The following RNF144A variants were observed in gnomAD, a reference collection of about 807,000 sequenced individuals.
RNF144A encodes ring finger protein 144A, also known as E3 ubiquitin-protein ligase RNF144A.
A neutral mutation model predicts 38.7 loss-of-function variants in RNF144A; 11 were observed. That is an observed-to-expected ratio of 0.28 (90% CI 0.18 to 0.47). The LOEUF is 0.47. RNF144A is among the 20% of genes least tolerant of loss of function. The pLI is 0.99. For missense variants in RNF144A, 316 were observed against 377.2 expected, an observed-to-expected ratio of 0.84 and a Z score of 1.34; for synonymous variants, 149 against 143.9, an observed-to-expected ratio of 1.04 and a Z score of -0.25.
At chr2:6,991,166 A>G (rs888540133) in intron 2 of RNF144A, among the ~76,000 whole-genome samples, 1 of 152,214 alleles carries the variant, frequency 6.6e-6, no homozygotes, top group African/African-American at 2.4e-5. Flanking sequence ...TCATGTGAAC[A>G]TAAGTCTTCA....
chr2:7,041,392 T>A lies in RNF144A; in HGVS notation c.*1632T>A. 1.0e-6 allele frequency: 1 copy of A among 985,894 alleles called. No individual in the cohort carries two copies. The highest frequency in any genetic ancestry group is 1.2e-6 in the Non-Finnish European group (1 of 829,932). The allele number at this position is 985,894 out of a possible 1,614,324, so 61.1% of individuals were successfully genotyped here. ...CCTCACTCTTCACCTGTCATGTTGATTTTCCTTATGAACCCGAAGCCATTT... is the reference window on the plus strand; with the variant it reads ...CCTCACTCTTCACCTGTCATGTTGAATTTCCTTATGAACCCGAAGCCATTT... On this transcript the variant is annotated 3_prime_UTR_variant, in exon 9 of 9. Transcript: ENST00000320892.
At chr2:7,035,708 A>G (rs2103455433) in intron 8 of RNF144A, among the ~76,000 whole-genome samples, 1 of 152,266 alleles carries the variant, frequency 6.6e-6, no homozygotes, top group East Asian at 1.9e-4. Context: ...TTCCTCCTTT[A>G]GATGTGAAGC....
chr2:6,994,187 C>CA (rs1259023420), intron 2 of RNF144A, among the ~76,000 whole-genome samples: 3 of 152,098 alleles, frequency 2.0e-5, no homozygotes, highest in Non-Finnish European at 4.4e-5. Flanking sequence ...TCAACATTGT[C>CA]AAAAAACAAG....
chr2:6,982,721 T>C (rs1267157615), intron 2 of RNF144A, among the ~76,000 whole-genome samples: 1 of 152,176 alleles, frequency 6.6e-6, no homozygotes, highest in Non-Finnish European at 1.5e-5. Flanking sequence ...AAGTGGCAAC[T>C]TCATGGATCC....
At chr2:6,999,008 G>A (rs1314054626) in intron 3 of RNF144A, among the ~76,000 whole-genome samples, 1 of 152,132 alleles carries the variant, frequency 6.6e-6, no homozygotes, top group Non-Finnish European at 1.5e-5. Context: ...TTTTGCTGAG[G>A]CCTTCATTTT....
intron 5 of RNF144A, among the ~76,000 whole-genome samples, chr2:7,018,003 C>G (rs556136505): frequency 1.3e-5 from 2 of 152,328 alleles, no homozygotes; most frequent in Admixed American, 1.3e-4. Flanking sequence ...CCCCTGTGTG[C>G]TATCCTGGGG....
At chr2:6,995,098 C>A (rs1326649964) in intron 2 of RNF144A, among the ~76,000 whole-genome samples, 3 of 152,144 alleles carry the variant, frequency 2.0e-5, no homozygotes, top group African/African-American at 7.2e-5. Context: ...TGGGTGAATT[C>A]TCCCTTCTCC....
At chr2:6,952,667 A>G (rs1449792318) in intron 2 of RNF144A, among the ~76,000 whole-genome samples, 1 of 151,272 alleles carries the variant, frequency 6.6e-6, no homozygotes, top group Non-Finnish European at 1.5e-5. Flanking sequence ...AAAATTTAAA[A>G]ATGAGCAAAT....
intron 1 of RNF144A, among the ~76,000 whole-genome samples, chr2:6,928,238 G>A (rs1468296642): frequency 6.6e-6 from 1 of 152,176 alleles, no homozygotes; most frequent in Non-Finnish European, 1.5e-5. Context: ...GACGGTTTGG[G>A]CTAGATGAAT....
At chr2:7,003,907 G>C (rs1160100384) in intron 3 of RNF144A, among the ~76,000 whole-genome samples, 1 of 152,234 alleles carries the variant, frequency 6.6e-6, no homozygotes, top group Admixed American at 6.5e-5. Flanking sequence ...TTTGGCTATT[G>C]TGTGGGGACC....
intron 2 of RNF144A, among the ~76,000 whole-genome samples, chr2:6,971,309 G>A (rs542697189): frequency 6.6e-6 from 1 of 152,302 alleles, no homozygotes; most frequent in Non-Finnish European, 1.5e-5. Context: ...TTGACTGGGA[G>A]CCCCGGTAGG....
chr2:6,928,990 C>T (rs1665051924), intron 1 of RNF144A, among the ~76,000 whole-genome samples: 1 of 152,166 alleles, frequency 6.6e-6, no homozygotes, highest in South Asian at 2.1e-4. Context: ...AGTCAGCATC[C>T]ATTTGCTCCC....
intron 1 of RNF144A, among the ~76,000 whole-genome samples, chr2:6,932,112 T>C (rs1665243321): frequency 6.6e-6 from 1 of 152,262 alleles, no homozygotes; most frequent in African/African-American, 2.4e-5. Context: ...GGGTATTACA[T>C]GTTTAGCATT....
At chr2:6,946,320 C>T (rs1405503973) in intron 2 of RNF144A, among the ~76,000 whole-genome samples, 1 of 152,090 alleles carries the variant, frequency 6.6e-6, no homozygotes, top group African/African-American at 2.4e-5. Context: ...AATGAGAACA[C>T]CATTAGTATC....
At chr2:6,963,967 C>T (rs1341601015) in intron 2 of RNF144A, among the ~76,000 whole-genome samples, 1 of 151,994 alleles carries the variant, frequency 6.6e-6, no homozygotes, top group Admixed American at 6.6e-5. Context: ...TGGCCCACTC[C>T]AGCAGCTGGT....
chr2:7,043,516 AAAGCTTCATG>A lies in RNF144A; in HGVS notation c.*3760_*3769del. On this transcript the variant is annotated 3_prime_UTR_variant, in exon 9 of 9. Coordinates refer to ENST00000320892, the MANE Select transcript of RNF144A (RefSeq NM_014746.6). ...TCAAGGGAAAACATTTTGCATGTGTAAAGCTTCATGAAGTTCTCTTTAAAAAATACCAAAG... is the reference window on the plus strand; with the variant it reads ...TCAAGGGAAAACATTTTGCATGTGTAAAGTTCTCTTTAAAAAATACCAAAG... 4 of 985,696 alleles carry A rather than the reference AAAGCTTCATG, an allele frequency of 4.1e-6. No homozygotes were observed. Among genetic ancestry groups the A allele is most frequent in the Non-Finnish European group, 4.8e-6 (4 of 829,786 alleles). The allele number at this position is 985,696 out of a possible 1,614,324, so 61.1% of individuals were successfully genotyped here.
rs1054870438 is a variant in RNF144A at position 7,030,449 on chromosome 2, G to A, written c.747+234G>A. 4.6e-5 allele frequency among the ~76,000 whole-genome samples: 7 copies of A among 152,102 alleles called. 1 individual carries two copies. The East Asian group carries it at 9.6e-4, about 21-fold the overall frequency. ...CCTGGCCCAAAGTTAATGTCAACGCGCATCACATTCATTGTCTGATGGGTC... is the reference window on the plus strand; with the variant it reads ...CCTGGCCCAAAGTTAATGTCAACGCACATCACATTCATTGTCTGATGGGTC... On this transcript the variant is annotated intron_variant, in intron 8 of 8. Transcript: ENST00000320892.
At chr2:7,027,349 G>A (rs2103440584) in intron 7 of RNF144A, among the ~76,000 whole-genome samples, 1 of 152,260 alleles carries the variant, frequency 6.6e-6, no homozygotes, top group East Asian at 1.9e-4. Context: ...CGTATTTTTT[G>A]GCAGTAGATA....
intron 3 of RNF144A, among the ~76,000 whole-genome samples, chr2:6,998,785 C>A (rs999237533): frequency 1.3e-5 from 2 of 151,968 alleles, no homozygotes; most frequent in Non-Finnish European, 2.9e-5. Context: ...TGGTAGAACC[C>A]GTCAAGATGG....
Sources: gnomAD v4.1 joint callset for allele counts (sites outside exome capture counted in the v4.1 genomes callset) on GRCh38, gnomAD v4.1.1 for gene constraint, MANE v1.5 for transcripts, NCBI Gene and HGNC (gene_info 2026-07-23, HGNC 2026-07-21) for gene names.